Variants in PEX7 observed in about 807,000 individuals in gnomAD.
The protein encoded by PEX7 is PTS2 receptor.
A neutral mutation model predicts 47.5 loss-of-function variants in PEX7; 34 were observed. The ratio of observed to expected loss-of-function variants is 0.72; its 90% CI spans 0.54 to 0.95. The LOEUF is 0.95. Ranked by LOEUF, PEX7 falls within the 40% of genes least tolerant of loss-of-function variation. PEX7 has a pLI of 0.00. For missense variants in PEX7, 394 were observed against 400.3 expected (o/e 0.98, Z 0.13); for synonymous variants, 141 against 148.8 (o/e 0.95, Z 0.38).
intron 8 of PEX7, among the ~76,000 whole-genome samples, chr6:136,886,096 C>T (rs1224973279): frequency 6.6e-6 from 1 of 152,126 alleles, no homozygotes; most frequent in Non-Finnish European, 1.5e-5. Context: ...TTTCAGCGCT[C>T]TAGTCTTCAA....
chr6:136,904,630 A>G (rs1775810836), intron 9 of PEX7, among the ~76,000 whole-genome samples: 1 of 146,154 alleles, frequency 6.8e-6, no homozygotes, highest in African/African-American at 2.5e-5. Context: ...TCCCTGCACA[A>G]GCTTTTTTTT....
At chr6:136,831,226 G>C (rs550528937) in intron 3 of PEX7, among the ~76,000 whole-genome samples, 1 of 152,232 alleles carries the variant, frequency 6.6e-6, no homozygotes, top group Admixed American at 6.5e-5. Flanking sequence ...AGGGGAAGTA[G>C]ATAACCTTCT....
At chr6:136,823,183 C>G (rs986352374) in intron 1 of PEX7, 62 of 985,386 alleles carry the variant, frequency 6.3e-5, no homozygotes, top group Admixed American at 1.8e-4. Flanking sequence ...ACGGTCTGAG[C>G]CAGAACCGAC....
rs375786497 is a variant in PEX7 at position 136,841,174 on chromosome 6, A to T, written c.340-4441A>T. Among the ~76,000 whole-genome samples, 30 of 152,232 alleles carry T rather than the reference A, an allele frequency of 2.0e-4. 1 individual carries two copies. Among genetic ancestry groups the T allele is most frequent in the Admixed American group, 9.2e-4 (14 of 15,290 alleles). ...GATTGAAGTTGGGATAATGGAATTC[A>T]TTCTTCCCTTTTCAGCTGTTTCTCA... On this transcript the variant is annotated intron_variant, in intron 3 of 9. Transcript: ENST00000318471.
intron 9 of PEX7, among the ~76,000 whole-genome samples, chr6:136,907,274 T>C (rs1004281889): frequency 6.6e-6 from 1 of 152,178 alleles, no homozygotes; most frequent in Non-Finnish European, 1.5e-5. Context: ...AATGAATTAA[T>C]GAAAAGGATT....
chr6:136,904,913 G>A (rs192187780), intron 9 of PEX7, among the ~76,000 whole-genome samples: 163 of 152,160 alleles, frequency 1.1e-3, no homozygotes, highest in African/African-American at 3.1e-3. Context: ...TGATTATGAA[G>A]CATTGCTTCT....
intron 8 of PEX7, among the ~76,000 whole-genome samples, chr6:136,878,750 T>G (rs1330109652): frequency 6.6e-6 from 1 of 152,214 alleles, no homozygotes. Flanking sequence ...TAAGTTTAAC[T>G]CTTTCATATT....
At chr6:136,845,115 T>G (rs1774571574) in intron 3 of PEX7, among the ~76,000 whole-genome samples, 1 of 152,222 alleles carries the variant, frequency 6.6e-6, no homozygotes, top group African/African-American at 2.4e-5. Flanking sequence ...AGCATATACT[T>G]TAGAATAGCA....
At chr6:136,823,112 G>A in intron 1 of PEX7, 1 of 985,450 alleles carries the variant, frequency 1.0e-6, no homozygotes, top group Non-Finnish European at 1.2e-6. Context: ...CCCGTAGGGA[G>A]AGCCGGGGGA....
At chr6:136,846,888 C>G (rs1165788114) in intron 5 of PEX7, among the ~76,000 whole-genome samples, 1 of 152,154 alleles carries the variant, frequency 6.6e-6, no homozygotes, top group African/African-American at 2.4e-5. Flanking sequence ...AATGGTATTT[C>G]TAGTTCTAGA....
rs572974345 is a variant in PEX7 at position 136,839,073 on chromosome 6, C to T, written c.340-6542C>T. The stretch of plus-strand genomic sequence containing the variant: ...GTGTGCACCTGTGGTCCCAGCTACC[C>T]GGGAGGTTGAGGTGGGAGGATCAAT... On this transcript the variant is annotated intron_variant, in intron 3 of 9. Transcript: ENST00000318471. Among the ~76,000 whole-genome samples the T allele has an allele frequency of 3.3e-5, 5 of 152,004 alleles. No homozygotes were observed. In the South Asian group the frequency reaches 6.2e-4, roughly 19 times the overall value.
chr6:136,866,250 A>G (rs1775070209), intron 5 of PEX7, among the ~76,000 whole-genome samples: 1 of 152,102 alleles, frequency 6.6e-6, no homozygotes, highest in South Asian at 2.1e-4. Context: ...TTTAGCAGTA[A>G]AATTGTTACT....
At chr6:136,856,540 T>C (rs1051585932) in intron 5 of PEX7, among the ~76,000 whole-genome samples, 5 of 152,046 alleles carry the variant, frequency 3.3e-5, no homozygotes, top group African/African-American at 1.2e-4. Flanking sequence ...AAGTGAAAGA[T>C]TCCTTCTCAG....
At chr6:136,875,775 A>T (rs1048701710) in intron 8 of PEX7, among the ~76,000 whole-genome samples, 20 of 152,194 alleles carry the variant, frequency 1.3e-4, no homozygotes, top group African/African-American at 4.8e-4. Context: ...TCCTATCATT[A>T]GCAGGCTTCT....
chr6:136,847,027 C>T (rs1449305235), intron 5 of PEX7, among the ~76,000 whole-genome samples: 5 of 152,132 alleles, frequency 3.3e-5, no homozygotes, highest in African/African-American at 9.7e-5. Flanking sequence ...TTTTGATGAT[C>T]GCCATTCTAA....
At chr6:136,895,996 T>A (rs1314190896) in intron 8 of PEX7, among the ~76,000 whole-genome samples, 1 of 152,188 alleles carries the variant, frequency 6.6e-6, no homozygotes, top group Non-Finnish European at 1.5e-5. Context: ...TTGAATAGAA[T>A]CACAGTTCTC....
intron 4 of PEX7, 38 bp from the exon 5 acceptor site, chr6:136,846,035 T>A (rs1256177580): frequency 3.1e-6 from 4 of 1,270,306 alleles, no homozygotes; most frequent in Non-Finnish European, 4.6e-6. Context: ...AAATTTGAAT[T>A]TATCCCTCAA....
chr6:136,844,452 A>G (rs1774559229), intron 3 of PEX7, among the ~76,000 whole-genome samples: 1 of 152,176 alleles, frequency 6.6e-6, no homozygotes, highest in Non-Finnish European at 1.5e-5. Context: ...CCTACAGTCA[A>G]GCTAATTAAC....
At chr6:136,903,859 A>G (rs895320599) in intron 9 of PEX7, among the ~76,000 whole-genome samples, 1 of 150,848 alleles carries the variant, frequency 6.6e-6, no homozygotes. Flanking sequence ...TTTTGTAGAA[A>G]TGAGGTCTCA....
Sources: allele counts gnomAD v4.1 joint callset (sites outside exome capture counted in the v4.1 genomes callset), GRCh38; gene constraint gnomAD v4.1.1; transcripts MANE v1.5; gene names NCBI Gene and HGNC (gene_info 2026-07-23, HGNC 2026-07-21).